SPOCK1: variants seen among roughly 807,000 people sequenced by gnomAD.
SPOCK1 encodes the protein testican-1.
A neutral mutation model predicts 55.3 loss-of-function variants in SPOCK1; 23 were observed. That is an observed-to-expected ratio of 0.42 (90% confidence interval 0.30 to 0.59). SPOCK1 has a LOEUF of 0.59. Among genes scored for constraint, SPOCK1 ranks in the 20% least tolerant of loss-of-function variants. The pLI is 0.22. For missense variants in SPOCK1, 499 were observed against 552.5 expected (o/e 0.90, Z 0.97); for synonymous variants, 226 against 221.0 (o/e 1.02, Z -0.20).
At chr5:137,315,088 G>A (rs1757854068) in intron 2 of SPOCK1, among the ~76,000 whole-genome samples, 1 of 152,128 alleles carries the variant, frequency 6.6e-6, no homozygotes, top group African/African-American at 2.4e-5. Context: ...ATCCCGACAG[G>A]TCCCTACTCT....
At chr5:137,437,104 T>TA (rs1291223936) in intron 2 of SPOCK1, among the ~76,000 whole-genome samples, 1 of 152,152 alleles carries the variant, frequency 6.6e-6, no homozygotes, top group Non-Finnish European at 1.5e-5. Context: ...TTTCAAAGAA[T>TA]AAAAAATCAT....
intron 2 of SPOCK1, among the ~76,000 whole-genome samples, chr5:137,369,025 A>G (rs965799686): frequency 2.6e-5 from 4 of 152,218 alleles, no homozygotes; most frequent in African/African-American, 9.6e-5. Flanking sequence ...GTTCTTTCCC[A>G]TCCGGCCTGG....
Position 136,996,661 on chromosome 5 carries a change from A to G in SPOCK1, c.590-4061T>C, listed in dbSNP as rs1751044901. On this transcript the variant is annotated intron_variant, in intron 6 of 10. Coordinates refer to ENST00000394945, the MANE Select transcript of SPOCK1 (RefSeq NM_004598.4). ...GAGAACTTTTCTGTCTTACAAGAGG[A>G]TTATAAAATGCACCAATCAGTGCTC... Among the ~76,000 whole-genome samples, 10 of 152,244 alleles carry G rather than the reference A, an allele frequency of 6.6e-5. 1 individual carries two copies. The Middle Eastern group carries it at 0.02, about 311-fold the overall frequency.
At chr5:137,214,791 AG>A (rs1208947121) in intron 3 of SPOCK1, among the ~76,000 whole-genome samples, 3 of 152,316 alleles carry the variant, frequency 2.0e-5, no homozygotes, top group Admixed American at 6.5e-5. Flanking sequence ...TACCTGAATG[AG>A]TAGAGATGAC....
At chr5:137,179,285 C>T (rs1754921644) in intron 3 of SPOCK1, among the ~76,000 whole-genome samples, 1 of 152,172 alleles carries the variant, frequency 6.6e-6, no homozygotes, top group African/African-American at 2.4e-5. Context: ...AAAATAAAGG[C>T]ACCAGCTCTG....
intron 2 of SPOCK1, among the ~76,000 whole-genome samples, chr5:137,288,674 T>G (rs1183670176): frequency 6.6e-6 from 1 of 152,168 alleles, no homozygotes; most frequent in Non-Finnish European, 1.5e-5. Context: ...AAATCTGGAC[T>G]CACAAAGATT....
At chr5:137,372,804 G>A (rs1429291716) in intron 2 of SPOCK1, among the ~76,000 whole-genome samples, 1 of 152,162 alleles carries the variant, frequency 6.6e-6, no homozygotes, top group African/African-American at 2.4e-5. Flanking sequence ...CAAGCACCAG[G>A]CAAAAAAAGC....
intron 2 of SPOCK1, among the ~76,000 whole-genome samples, chr5:137,386,877 C>T (rs940478603): frequency 6.6e-6 from 1 of 152,108 alleles, no homozygotes; most frequent in Non-Finnish European, 1.5e-5. Context: ...AGACAAGCCA[C>T]AGACTGGGGG....
chr5:137,359,040 A>G (rs1750884148), intron 2 of SPOCK1, among the ~76,000 whole-genome samples: 1 of 152,198 alleles, frequency 6.6e-6, no homozygotes, highest in African/African-American at 2.4e-5. Flanking sequence ...GTTAGCCTCA[A>G]AGGGAGTCTA....
At chr5:137,358,865 A>G (rs943401631) in intron 2 of SPOCK1, among the ~76,000 whole-genome samples, 2 of 142,648 alleles carry the variant, frequency 1.4e-5, no homozygotes, top group African/African-American at 2.6e-5. Flanking sequence ...TTCAAGACTT[A>G]CATGATCAAG....
Position 137,183,718 on chromosome 5 carries a change from G to A in SPOCK1, c.233-43024C>T, listed in dbSNP as rs192497869. ...TGAGAGAGCCTCAATCTCTCGAAAG[G>A]CTAGCTGTGAGTCCAGTTTCCAGCC... is the stretch of plus-strand genomic sequence containing the variant. On this transcript the variant is annotated intron_variant, in intron 3 of 10. Transcript: ENST00000394945. Among the ~76,000 whole-genome samples the A allele has an allele frequency of 2.0e-5, 3 of 152,330 alleles. No individual in the cohort carries two copies. In the East Asian group the frequency reaches 5.8e-4, roughly 29 times the overall value.
At position 137,133,138 on chromosome 5, in the gene SPOCK1, G is replaced by A. The variant is rs182122432; in HGVS notation, c.347+7442C>T. Among the ~76,000 whole-genome samples the A allele has an allele frequency of 4.0e-3, 610 of 152,258 alleles. 6 individuals are homozygous for A. Among genetic ancestry groups the A allele is most frequent in the Non-Finnish European group, 6.4e-3 (432 of 68,012 alleles). On this transcript the variant is annotated intron_variant, in intron 4 of 10. Transcript: ENST00000394945. Reference sequence around the variant, plus strand: ...TAATCCCAGCACTTTAGGAGGCTGAGGCAGGCAGATCACAAGGTCAGGTGA... The same window carrying A: ...TAATCCCAGCACTTTAGGAGGCTGAAGCAGGCAGATCACAAGGTCAGGTGA...
chr5:137,482,724 C>T (rs1230811681), intron 2 of SPOCK1, among the ~76,000 whole-genome samples: 1 of 152,176 alleles, frequency 6.6e-6, no homozygotes, highest in African/African-American at 2.4e-5. Context: ...AGGATCATCG[C>T]GTTGGAAATA....
intron 3 of SPOCK1, among the ~76,000 whole-genome samples, chr5:137,142,908 A>C (rs1754126205): frequency 6.6e-6 from 1 of 152,204 alleles, no homozygotes; most frequent in South Asian, 2.1e-4. Flanking sequence ...ACTCTCCAAG[A>C]ATCATTCAAA....
intron 3 of SPOCK1, among the ~76,000 whole-genome samples, chr5:137,245,535 G>A (rs1756376549): frequency 6.6e-6 from 1 of 152,050 alleles, no homozygotes; most frequent in East Asian, 1.9e-4. Flanking sequence ...AAGCAAAATT[G>A]AGGGCAATAA....
intron 5 of SPOCK1, among the ~76,000 whole-genome samples, chr5:137,077,203 C>T (rs967401145): frequency 4.6e-5 from 7 of 152,222 alleles, no homozygotes; most frequent in African/African-American, 9.7e-5. Context: ...GGATTACAGG[C>T]GTGAGCCACC....
chr5:137,276,180 G>T (rs1757063479), intron 2 of SPOCK1, among the ~76,000 whole-genome samples: 1 of 152,228 alleles, frequency 6.6e-6, no homozygotes, highest in Non-Finnish European at 1.5e-5. Flanking sequence ...ACATGGTCGA[G>T]CCACCAATGA....
intron 2 of SPOCK1, among the ~76,000 whole-genome samples, chr5:137,453,889 G>A (rs1446950418): frequency 6.6e-6 from 1 of 152,114 alleles, no homozygotes; most frequent in East Asian, 1.9e-4. Context: ...TGTGATTGTA[G>A]TGGAGTCCCC....
At chr5:137,265,022 C>G (rs542619788) in intron 3 of SPOCK1, among the ~76,000 whole-genome samples, 2 of 152,100 alleles carry the variant, frequency 1.3e-5, no homozygotes, top group African/African-American at 4.8e-5. Flanking sequence ...AGTTTTCAAG[C>G]CTGCAGAGCT....
Sources: allele counts gnomAD v4.1 joint callset (sites outside exome capture counted in the v4.1 genomes callset), GRCh38; gene constraint gnomAD v4.1.1; transcripts MANE v1.5; gene names NCBI Gene and HGNC (gene_info 2026-07-23, HGNC 2026-07-21).